PCDH11X: variants seen among roughly 807,000 people sequenced by gnomAD.
The protein encoded by PCDH11X is protocadherin 11 X-linked.
A neutral mutation model predicts 53.3 loss-of-function variants in PCDH11X; 18 were observed. The observed-to-expected ratio is 0.34, with a 90% CI of 0.23 to 0.50. PCDH11X has a LOEUF of 0.50. Ranked by LOEUF, PCDH11X falls within the 20% of genes least tolerant of loss-of-function variation. The pLI, the probability that PCDH11X is intolerant of heterozygous loss-of-function variation, is 0.98. For missense variants in PCDH11X, 570 were observed against 1,032.4 expected (o/e 0.55, Z 6.14); for synonymous variants, 279 against 393.3 (o/e 0.71, Z 3.44).
intron 9 of PCDH11X, among the ~76,000 whole-genome samples, chrX:92,390,936 A>C (rs143436915): frequency 0.035 from 3,818 of 109,383 alleles, 143 homozygotes; most frequent in African/African-American, 0.1. Flanking sequence ...CAAGACTATT[A>C]ACTTTTCTTT....
intron 6 of PCDH11X, among the ~76,000 whole-genome samples, chrX:92,168,651 G>A (rs2065774501): frequency 9.0e-6 from 1 of 111,596 alleles, no homozygotes; most frequent in African/African-American, 3.2e-5. Flanking sequence ...GTGATTAAAA[G>A]GATGAAGAAT....
chrX:92,104,713 C>G (rs901370456), intron 6 of PCDH11X, among the ~76,000 whole-genome samples: 1 of 110,055 alleles, frequency 9.1e-6, no homozygotes, highest in African/African-American at 3.3e-5. Flanking sequence ...GAGGCAAGCC[C>G]AGAGAAAAGA....
intron 9 of PCDH11X, among the ~76,000 whole-genome samples, chrX:92,464,801 T>G (rs2073126500): frequency 9.3e-6 from 1 of 107,886 alleles, no homozygotes; most frequent in Admixed American, 1.0e-4. Flanking sequence ...CTTTTTTGCA[T>G]ATTTTGTAGA....
In PCDH11X at chrX:91,863,852, T is replaced by C. The variant is rs189684579; in HGVS notation, c.541-12929T>C. ...TTAAGCTGATAATAGCTTAACATTG[T>C]TTGCATAAACTGACAATCAAAAAGA... On this transcript the variant is annotated intron_variant, in intron 5 of 10. Transcript: ENST00000682573. Among the ~76,000 whole-genome samples, 371 of 111,851 alleles carry C rather than the reference T, an allele frequency of 3.3e-3. 3 individuals are homozygous for C. The highest frequency in any genetic ancestry group is 0.012 in the African/African-American group (363 of 30,838).
intron 7 of PCDH11X, among the ~76,000 whole-genome samples, chrX:92,253,809 AATTT>A (rs1446383707): frequency 8.9e-6 from 1 of 112,023 alleles, no homozygotes; most frequent in Non-Finnish European, 1.9e-5. Flanking sequence ...AACTTTACTG[AATTT>A]ATTTATCAGT....
chrX:92,407,052 C>T (rs2071537374), intron 9 of PCDH11X, among the ~76,000 whole-genome samples: 2 of 102,113 alleles, frequency 2.0e-5, no homozygotes, highest in Admixed American at 2.2e-4. Flanking sequence ...TTATTACCCC[C>T]AATTATTATT....
At chrX:92,382,236 G>A (rs778902015) in intron 8 of PCDH11X, among the ~76,000 whole-genome samples, 1 of 111,690 alleles carries the variant, frequency 9.0e-6, no homozygotes, top group South Asian at 3.8e-4. Context: ...GTAATCCTTA[G>A]AAAGTAATGA....
chrX:92,268,401 C>T (rs1422333020), intron 8 of PCDH11X, among the ~76,000 whole-genome samples: 1 of 110,764 alleles, frequency 9.0e-6, no homozygotes, highest in African/African-American at 3.3e-5. Flanking sequence ...AAGCAATTCT[C>T]CTGTCTCAGC....
At chrX:92,412,503 AAAATAG>A in intron 9 of PCDH11X, among the ~76,000 whole-genome samples, 1 of 61,772 alleles carries the variant, frequency 1.6e-5, no homozygotes, top group Non-Finnish European at 2.9e-5. Context: ...CAAAATAAAG[AAAATAG>A]TATATATATA....
At chrX:92,018,893 A>C (rs1246255792) in intron 6 of PCDH11X, among the ~76,000 whole-genome samples, 1 of 112,808 alleles carries the variant, frequency 8.9e-6, no homozygotes, top group Non-Finnish European at 1.9e-5. Flanking sequence ...TCAGTAAACT[A>C]TGAATCCTGG....
intron 8 of PCDH11X, among the ~76,000 whole-genome samples, chrX:92,289,363 A>C (rs1254732135): frequency 2.7e-5 from 3 of 111,549 alleles, no homozygotes; most frequent in Non-Finnish European, 5.7e-5. Context: ...TCTATTGGAA[A>C]TGAGGCTCAA....
intron 6 of PCDH11X, among the ~76,000 whole-genome samples, chrX:91,889,195 G>C (rs994162963): frequency 1.8e-5 from 2 of 110,555 alleles, no homozygotes; most frequent in African/African-American, 6.6e-5. Flanking sequence ...TGAAATGAGA[G>C]ACCATATTTT....
intron 9 of PCDH11X, chrX:92,460,685 C>A (rs775850377): frequency 4.5e-4 from 430 of 957,707 alleles, no homozygotes; most frequent in Non-Finnish European, 5.3e-4. Context: ...CGGGATCCTG[C>A]TGCACCTGGA....
At chrX:91,908,379 A>G (rs1045225020) in intron 6 of PCDH11X, among the ~76,000 whole-genome samples, 3 of 112,435 alleles carry the variant, frequency 2.7e-5, no homozygotes, top group African/African-American at 9.7e-5. Context: ...AAATGAACAG[A>G]CACTTCTCAA....
chrX:92,009,612 G>T (rs1406912715), intron 6 of PCDH11X, among the ~76,000 whole-genome samples: 1 of 109,046 alleles, frequency 9.2e-6, no homozygotes, highest in African/African-American at 3.3e-5. Context: ...AGAAAGATTT[G>T]CCTTCTCAAG....
chrX:91,899,578 TTA>T (rs200007564), intron 6 of PCDH11X, among the ~76,000 whole-genome samples: 2 of 107,455 alleles, frequency 1.9e-5, no homozygotes, highest in South Asian at 4.3e-4. Context: ...TCTCCTGAAA[TTA>T]TATATATATA....
At chrX:91,983,574 G>T in intron 6 of PCDH11X, 1 of 439,247 alleles carries the variant, frequency 2.3e-6, no homozygotes, top group Non-Finnish European at 4.1e-6. Flanking sequence ...CGGAGGCAGA[G>T]AACTAAGTGG....
At chrX:92,175,609 ATATC>A (rs1271751825) in intron 6 of PCDH11X, among the ~76,000 whole-genome samples, 3 of 109,316 alleles carry the variant, frequency 2.7e-5, no homozygotes, top group Non-Finnish European at 5.7e-5. Flanking sequence ...TTATATCTAT[ATATC>A]TATCTATGTA....
intron 6 of PCDH11X, 183 bp from the exon 7 acceptor site, chrX:92,201,192 A>T: frequency 5.7e-6 from 1 of 175,801 alleles, no homozygotes; most frequent in Non-Finnish European, 9.0e-6. Context: ...ACCTAGAGCT[A>T]TGTGTGGCAT....
Sources: gnomAD v4.1 joint callset for allele counts (sites outside exome capture counted in the v4.1 genomes callset) on GRCh38, gnomAD v4.1.1 for gene constraint, MANE v1.5 for transcripts, NCBI Gene and HGNC (gene_info 2026-07-23, HGNC 2026-07-21) for gene names.